The following PUM2 variants were observed in gnomAD, a reference collection of about 807,000 sequenced individuals.
PUM2 encodes pumilio homolog 2.
Under a neutral mutation model 124.5 loss-of-function variants are expected in PUM2, and 57 were observed. The observed-to-expected ratio is 0.46, with a 90% CI of 0.37 to 0.57. The LOEUF is 0.57. Ranked by LOEUF, PUM2 falls within the 20% of genes least tolerant of loss-of-function variation. PUM2 has a pLI of 0.00. For synonymous variants in PUM2, 460 were observed against 446.1 expected (o/e 1.03, Z -0.39); for missense variants, 1,065 against 1,290.6 (o/e 0.83, Z 2.68).
intron 15 of PUM2, among the ~76,000 whole-genome samples, chr2:20,259,689 G>A (rs549410944): frequency 7.2e-5 from 11 of 152,162 alleles, no homozygotes; most frequent in South Asian, 4.1e-4. Context: ...ATCTGTTGAC[G>A]GACACTTGGG....
chr2:20,303,336 T>G (rs1263392249), intron 7 of PUM2, among the ~76,000 whole-genome samples: 1 of 151,430 alleles, frequency 6.6e-6, no homozygotes, highest in Non-Finnish European at 1.5e-5. Context: ...GCCTGGGAGG[T>G]CGAGGCTGCA....
At chr2:20,313,542 C>T (rs377459288) in intron 3 of PUM2, among the ~76,000 whole-genome samples, 1 of 152,048 alleles carries the variant, frequency 6.6e-6, no homozygotes, top group Non-Finnish European at 1.5e-5. Context: ...AGGGATAAAA[C>T]CTAGAAGAGG....
At chr2:20,267,179 T>C (rs1558505485) in intron 13 of PUM2, among the ~76,000 whole-genome samples, 1 of 145,834 alleles carries the variant, frequency 6.9e-6, no homozygotes, top group Non-Finnish European at 1.5e-5. Context: ...CGTACCACCA[T>C]GCCCGGCTAA....
intron 9 of PUM2, among the ~76,000 whole-genome samples, chr2:20,292,217 G>A (rs942403749): frequency 2.0e-5 from 3 of 150,772 alleles, no homozygotes; most frequent in African/African-American, 4.9e-5. Flanking sequence ...CTTGATCCCC[G>A]CCTCCCTGTG....
intron 7 of PUM2, among the ~76,000 whole-genome samples, chr2:20,304,642 A>AATGTGAGTT (rs1677788518): frequency 1.3e-5 from 2 of 152,354 alleles, no homozygotes; most frequent in South Asian, 2.1e-4. Context: ...TTTGTACAGA[A>AATGTGAGTT]GACATTTGTC....
At chr2:20,303,792 A>AT (rs2148454666) in intron 7 of PUM2, among the ~76,000 whole-genome samples, 1 of 152,222 alleles carries the variant, frequency 6.6e-6, no homozygotes, top group South Asian at 2.1e-4. Context: ...ACCTAGAACT[A>AT]TTTTTTCAAT....
At position 20,312,253 on chromosome 2, in the gene PUM2, A is replaced by C; in HGVS notation, c.331T>G (p.Phe111Val). ...ATACTTACAAAATTTCCCTTCCTAA[A>C]TCGAGAATCCAATTTATCAGCAGGA... is the stretch of plus-strand genomic sequence containing the variant. ...SSPADKLDSRFRKGNFGTRDA... is the reference protein window; with the variant it reads ...SSPADKLDSRVRKGNFGTRDA... Residue 111 changes from phenylalanine (F) to valine (V), a missense_variant, in exon 4 of 21, where the codon TTT becomes GTT. Phe to Val is a conservative substitution (Grantham distance 50). Coordinates refer to ENST00000361078, the MANE Select transcript of PUM2 (RefSeq NM_015317.5). 6.2e-7 allele frequency: 1 copy of C among 1,604,962 alleles called. No individual in the cohort carries two copies. The highest frequency in any genetic ancestry group is 2.2e-5 in the East Asian group (1 of 44,756).
intron 2 of PUM2, among the ~76,000 whole-genome samples, chr2:20,323,258 C>T (rs925119693): frequency 2.0e-5 from 3 of 152,012 alleles, no homozygotes; most frequent in Non-Finnish European, 4.4e-5. Context: ...ATCATCCTGG[C>T]TAACACTGTG....
chr2:20,278,769 T>C lies in PUM2; in HGVS notation c.1771A>G (p.Ser591Gly). ...SATRRESLST[S>G]SDLYKRSSSS... is the part of the protein sequence containing the mutation. Reference sequence around the variant, plus strand: ...CTAGATCTTTTGTACAAGTCAGAGCTAGTAGATAGAGACTCTCTCCTTGTG... The same window carrying C: ...CTAGATCTTTTGTACAAGTCAGAGCCAGTAGATAGAGACTCTCTCCTTGTG... The change falls in exon 13 of 21, where the codon AGC becomes GGC. Residue 591 changes from serine to glycine, a missense_variant. Physicochemically the swap from Ser to Gly is moderately conservative, Grantham distance 56. Transcript: ENST00000361078. 1 of 1,613,568 alleles carries C rather than the reference T, an allele frequency of 6.2e-7. No individual in the cohort carries two copies. The highest frequency in any genetic ancestry group is 8.5e-7 in the Non-Finnish European group (1 of 1,179,668).
At chr2:20,336,720 G>T (rs1462137497) in intron 1 of PUM2, among the ~76,000 whole-genome samples, 1 of 111,674 alleles carries the variant, frequency 9.0e-6, no homozygotes, top group Non-Finnish European at 1.9e-5. Flanking sequence ...TGTTACAGAC[G>T]GGGTCTCACC....
chr2:20,289,261 C>CTTCT (rs1339995280), intron 10 of PUM2, among the ~76,000 whole-genome samples: 2 of 152,154 alleles, frequency 1.3e-5, no homozygotes, highest in African/African-American at 4.8e-5. Flanking sequence ...CAGAGGCACT[C>CTTCT]TTCTTAATTC....
intron 2 of PUM2, among the ~76,000 whole-genome samples, chr2:20,321,878 T>C (rs1298615278): frequency 2.0e-5 from 3 of 152,156 alleles, no homozygotes; most frequent in Non-Finnish European, 2.9e-5. Flanking sequence ...TCTTCTATCC[T>C]AACTCCAGTG....
chr2:20,342,541 A>T (rs1230470454), intron 1 of PUM2, among the ~76,000 whole-genome samples: 3 of 152,226 alleles, frequency 2.0e-5, no homozygotes, highest in African/African-American at 7.2e-5. Flanking sequence ...TTCCAAGACA[A>T]CTTAAAGAAA....
chr2:20,326,426 T>C (rs902960060), intron 2 of PUM2: 34 of 1,303,686 alleles, frequency 2.6e-5, no homozygotes, highest in Non-Finnish European at 3.1e-5. Flanking sequence ...CTCATGAAGG[T>C]CTCTATTCTA....
intron 1 of PUM2, among the ~76,000 whole-genome samples, chr2:20,342,845 TAA>T (rs1687489114): frequency 6.6e-6 from 1 of 152,200 alleles, no homozygotes; most frequent in Non-Finnish European, 1.5e-5. Context: ...GCCAATTTCC[TAA>T]AGATACTTAA....
intron 1 of PUM2, among the ~76,000 whole-genome samples, chr2:20,336,848 G>A (rs191211159): frequency 6.6e-5 from 10 of 150,636 alleles, no homozygotes; most frequent in South Asian, 2.1e-4. Context: ...TCTGGAACTC[G>A]TGAGTTCAAG....
At chr2:20,346,269 ATGC>A (rs1688225847) in intron 1 of PUM2, among the ~76,000 whole-genome samples, 1 of 152,236 alleles carries the variant, frequency 6.6e-6, no homozygotes, top group African/African-American at 2.4e-5. Context: ...GCATGTAATC[ATGC>A]TAAAACTACC....
At chr2:20,289,519 G>C (rs1415793208) in intron 10 of PUM2, among the ~76,000 whole-genome samples, 2 of 152,066 alleles carry the variant, frequency 1.3e-5, no homozygotes, top group African/African-American at 4.8e-5. Context: ...GTAGAGTCCA[G>C]GAAGCAAAAA....
Position 20,307,829 on chromosome 2 carries a change from T to TTATTA in PUM2, c.883+148_883+149insTAATA, listed in dbSNP as rs1001546934. ...TAATAATCAGAAACAATTCCCTAGTTAATAAACACCTTTGTCATACAACCT... is the reference window on the plus strand; with the variant it reads ...TAATAATCAGAAACAATTCCCTAGTTTATTAAATAAACACCTTTGTCATACAACCT... On this transcript the variant is annotated intron_variant, in intron 7 of 20. Coordinates refer to ENST00000361078, the MANE Select transcript of PUM2 (RefSeq NM_015317.5). The TTATTA allele has an allele frequency of 2.9e-6, 3 of 1,025,686 alleles. No individual in the cohort carries two copies. The African/African-American group carries it at 4.9e-5, about 17-fold the overall frequency. The allele number at this position is 1,025,686 out of a possible 1,614,324, so 63.5% of individuals were successfully genotyped here.
Sources: allele counts gnomAD v4.1 joint callset (sites outside exome capture counted in the v4.1 genomes callset), GRCh38; gene constraint gnomAD v4.1.1; transcripts MANE v1.5; gene names NCBI Gene and HGNC (gene_info 2026-07-23, HGNC 2026-07-21).